Variants in RIMBP2 observed in about 807,000 individuals in gnomAD.
RIMBP2 encodes RIMS binding protein 2.
Under a neutral mutation model 118.6 loss-of-function variants are expected in RIMBP2, and 48 were observed. The observed-to-expected ratio is 0.40, with a 90% CI of 0.32 to 0.51. The LOEUF (loss-of-function observed/expected upper bound fraction) is 0.51, where lower values mean the gene tolerates loss of function less well. RIMBP2 is among the 20% of genes least tolerant of loss of function. The probability of loss-of-function intolerance (pLI) is 0.41; values close to 1 mark genes in which losing one functional copy is unlikely to be tolerated. For synonymous variants in RIMBP2, 762 were observed against 742.9 expected (o/e 1.03, Z -0.42); for missense variants, 1,551 against 1,768.3 (o/e 0.88, Z 2.20).
intron 4 of RIMBP2, among the ~76,000 whole-genome samples, chr12:130,506,141 C>T (rs2050321942): frequency 6.6e-6 from 1 of 151,944 alleles, no homozygotes. Context: ...GCATCAATAG[C>T]AAATCAACCC....
intron 4 of RIMBP2, among the ~76,000 whole-genome samples, chr12:130,482,226 G>GT (rs1444365173): frequency 1.3e-5 from 2 of 152,204 alleles, no homozygotes; most frequent in Non-Finnish European, 1.5e-5. Flanking sequence ...GGCCCTCCGT[G>GT]TGGGGCTTCC....
Position 130,646,417 on chromosome 12 carries a change from CACCACTTCCCTCTCCACCTCCCTT to C in RIMBP2, c.-351-17985_-351-17962del, listed in dbSNP as rs1299498666. On this transcript the variant is annotated intron_variant, in intron 1 of 22. Coordinates refer to ENST00000690449, the MANE Select transcript of RIMBP2 (RefSeq NM_001393629.1). Reference sequence around the variant, plus strand: ...TCACCACCTGCCTCTCCACCTCCCTCACCACTTCCCTCTCCACCTCCCTTGCCACCTCCCTCGCCACCTCCCTCG... The same window carrying C: ...TCACCACCTGCCTCTCCACCTCCCTCGCCACCTCCCTCGCCACCTCCCTCG... Among the ~76,000 whole-genome samples, 30 of 131,680 alleles carry C rather than the reference CACCACTTCCCTCTCCACCTCCCTT, an allele frequency of 2.3e-4. 7 individuals carry two copies. The highest frequency in any genetic ancestry group is 4.0e-3 in the Middle Eastern group (1 of 252). The allele number at this position is 131,680 out of a possible 152,430, so 86.4% of individuals were successfully genotyped here. A position where few individuals can be genotyped will look rare whatever the true frequency, so the allele number is the denominator to read the frequency against.
At chr12:130,563,269 G>C (rs548560939) in intron 2 of RIMBP2, among the ~76,000 whole-genome samples, 1 of 152,120 alleles carries the variant, frequency 6.6e-6, no homozygotes, top group Non-Finnish European at 1.5e-5. Flanking sequence ...CACTTGAAAC[G>C]CGTTCTTACG....
At chr12:130,628,094 T>G (rs2061757956) in intron 2 of RIMBP2, among the ~76,000 whole-genome samples, 3 of 152,202 alleles carry the variant, frequency 2.0e-5, no homozygotes, top group Non-Finnish European at 4.4e-5. Context: ...GGCATCAAGT[T>G]CTTTCTTGCC....
intron 1 of RIMBP2, among the ~76,000 whole-genome samples, chr12:130,677,006 A>G (rs2064522256): frequency 6.6e-6 from 1 of 152,166 alleles, no homozygotes; most frequent in African/African-American, 2.4e-5. Flanking sequence ...CACCTGTGTA[A>G]ACCCTACCTC....
intron 1 of RIMBP2, among the ~76,000 whole-genome samples, chr12:130,692,296 A>G (rs1179239318): frequency 6.6e-6 from 1 of 152,064 alleles, no homozygotes; most frequent in African/African-American, 2.4e-5. Context: ...CTGCTGCAGA[A>G]GCCTCTTCAT....
At chr12:130,677,191 G>A (rs762870243) in intron 1 of RIMBP2, among the ~76,000 whole-genome samples, 3 of 152,122 alleles carry the variant, frequency 2.0e-5, no homozygotes, top group Non-Finnish European at 4.4e-5. Flanking sequence ...AGCCTTCTAC[G>A]AGGAGCATGG....
intron 11 of RIMBP2, among the ~76,000 whole-genome samples, chr12:130,439,487 A>ATGTG (rs1185285146): frequency 1.8e-5 from 2 of 110,546 alleles, no homozygotes; most frequent in Admixed American, 1.9e-4. Context: ...ATGTGTGTGT[A>ATGTG]TGTGTGTGTG....
In RIMBP2 at chr12:130,485,808, G is replaced by A. The variant is rs551214452; in HGVS notation, c.-3-6792C>T. On this transcript the variant is annotated intron_variant, in intron 4 of 22. Transcript: ENST00000690449. Reference sequence around the variant, plus strand: ...GGATGCTATGCTGGGCTCTTGCTTCGGGGTGCCAGTGAGATGAGGGTTTAT... The same window carrying A: ...GGATGCTATGCTGGGCTCTTGCTTCAGGGTGCCAGTGAGATGAGGGTTTAT... 7.9e-5 allele frequency among the ~76,000 whole-genome samples: 12 copies of A among 152,280 alleles called. 1 individual carries two copies. The South Asian group carries it at 2.5e-3, about 32-fold the overall frequency.
intron 1 of RIMBP2, among the ~76,000 whole-genome samples, chr12:130,677,217 G>A (rs1282612330): frequency 6.6e-6 from 1 of 152,092 alleles, no homozygotes; most frequent in African/African-American, 2.4e-5. Context: ...CCCTACAAAT[G>A]GGCCAAGCAT....
In RIMBP2 at chr12:130,446,401, G is replaced by A. The variant is rs2078526622; in HGVS notation, c.582-1132C>T. On this transcript the variant is annotated intron_variant, in intron 9 of 22. Transcript: ENST00000690449. This position sits in a 1 kb window ranked among gnomAD's most constrained non-coding sequence, Gnocchi z 4.1. ...AGTCTCAATGGCTGAGTGAGGTCAG[G>A]CAACATGCCCAAAGTCACAAGCTTA... 6.6e-6 allele frequency among the ~76,000 whole-genome samples: 1 copy of A among 152,216 alleles called. No individual in the cohort carries two copies. The highest frequency in any genetic ancestry group is 3.2e-3 in the Middle Eastern group (1 of 316).
chr12:130,598,294 G>A (rs2059669397), intron 2 of RIMBP2, among the ~76,000 whole-genome samples: 1 of 152,156 alleles, frequency 6.6e-6, no homozygotes, highest in South Asian at 2.1e-4. Flanking sequence ...ATGTTGTTAA[G>A]AGGTCATTTT....
intron 10 of RIMBP2, among the ~76,000 whole-genome samples, chr12:130,444,361 C>G (rs781033747): frequency 1.1e-4 from 17 of 152,092 alleles, no homozygotes; most frequent in Admixed American, 2.0e-4. Flanking sequence ...AGTAAACACC[C>G]AGGAAAAGCA....
chr12:130,490,365 A>T (rs1018641240), intron 4 of RIMBP2, among the ~76,000 whole-genome samples: 1 of 152,130 alleles, frequency 6.6e-6, no homozygotes, highest in Non-Finnish European at 1.5e-5. Flanking sequence ...TTACTTATCT[A>T]CAATTTAGCT....
intron 2 of RIMBP2, among the ~76,000 whole-genome samples, chr12:130,561,441 C>T (rs75108903): frequency 0.017 from 2,566 of 152,244 alleles, 59 homozygotes; most frequent in African/African-American, 0.056. Flanking sequence ...TCAGATAGTT[C>T]TTTGGGAACC....
chr12:130,455,948 C>T (rs146945283), intron 7 of RIMBP2, among the ~76,000 whole-genome samples: 1,879 of 152,254 alleles, frequency 0.012, 40 homozygotes, highest in African/African-American at 0.042. Flanking sequence ...GGGGCTTCTC[C>T]CCACCCGGCC....
chr12:130,642,661 C>T (rs934412392), intron 1 of RIMBP2, among the ~76,000 whole-genome samples: 3 of 152,228 alleles, frequency 2.0e-5, no homozygotes, highest in Non-Finnish European at 4.4e-5. Flanking sequence ...CATCGACTAA[C>T]ATGCATCTAT....
Position 130,456,335 on chromosome 12 carries a change from C to T in RIMBP2, c.358+161G>A, listed in dbSNP as rs117009809. Among the ~76,000 whole-genome samples, 151 of 152,314 alleles carry T rather than the reference C, an allele frequency of 9.9e-4. 1 individual carries two copies. In the East Asian group the frequency reaches 0.028, roughly 28 times the overall value. ...GGTGCTGAGTGTACCGTGTGCCCCA[C>T]GGCTGTGAGCAGCCCTGTTCTCATC... On this transcript the variant is annotated intron_variant, in intron 7 of 22. Coordinates refer to ENST00000690449, the MANE Select transcript of RIMBP2 (RefSeq NM_001393629.1).
Position 130,434,992 on chromosome 12 carries a change from C to A in RIMBP2, c.2107-112G>T, listed in dbSNP as rs548188190. On this transcript the variant is annotated intron_variant, in intron 13 of 22. Transcript: ENST00000690449. The surrounding 1 kb of genome is among the most constrained non-coding windows in gnomAD (Gnocchi z 5.7). Reference sequence around the variant, plus strand: ...CCTCAGAGCCTGGCCAGGCACCCCCCACACAGTGCTTTGGGCCCAGCTCTG... The same window carrying A: ...CCTCAGAGCCTGGCCAGGCACCCCCAACACAGTGCTTTGGGCCCAGCTCTG... The A allele has an allele frequency of 5.3e-5, 62 of 1,160,254 alleles. No individual in the cohort carries two copies. Among genetic ancestry groups the A allele is most frequent in the East Asian group, 1.8e-4 (7 of 39,418 alleles). 71.9% of individuals were successfully genotyped at this position (1,160,254 alleles called of 1,614,324 possible).
Sources: allele counts gnomAD v4.1 joint callset (sites outside exome capture counted in the v4.1 genomes callset), GRCh38; gene constraint gnomAD v4.1.1; non-coding constraint Gnocchi (gnomAD v3.1); transcripts MANE v1.5; gene names NCBI Gene and HGNC (gene_info 2026-07-23, HGNC 2026-07-21).